Variants in SELENOO observed in about 807,000 individuals in gnomAD.
The protein encoded by SELENOO is selenoprotein O.
In SELENOO, 74 loss-of-function variants were observed where a neutral mutation model predicts 58.7. The ratio of observed to expected loss-of-function variants is 1.26; its 90% CI spans 1.04 to 1.53. The LOEUF is 1.53. Ranked by LOEUF, SELENOO falls within the 40% of genes most tolerant of loss-of-function variation. SELENOO has a pLI of 0.00. For missense variants in SELENOO, 1,149 were observed against 970.0 expected, an observed-to-expected ratio of 1.18 and a Z score of -2.45; for synonymous variants, 543 against 453.2, an observed-to-expected ratio of 1.20 and a Z score of -2.52.
At chr22:50,201,819 G>T (rs1051549195) in intron 1 of SELENOO, among the ~76,000 whole-genome samples, 4 of 152,236 alleles carry the variant, frequency 2.6e-5, no homozygotes, top group African/African-American at 9.6e-5. Context: ...GACGTTCGCT[G>T]GGGCTCCAAA....
chr22:50,206,089 C>T, intron 1 of SELENOO: 1 of 591,698 alleles, frequency 1.7e-6, no homozygotes, highest in Non-Finnish European at 3.0e-6. Flanking sequence ...TGTTCAGGCC[C>T]ATTTTTACCA....
rs200443985 is a variant in SELENOO at position 50,215,766 on chromosome 22, G to A, written c.1401G>A (p.Glu467=). 2.5e-6 allele frequency: 4 copies of A among 1,611,978 alleles called. No homozygotes were observed. Among genetic ancestry groups the A allele is most frequent in the Admixed American group, 1.7e-5 (1 of 59,996 alleles). The change falls in exon 6 of 9, where the codon GAG becomes GAA. Residue 467 remains glutamate (E), a synonymous_variant. Transcript: ENST00000380903. ...ACTTGCTGAGCTCCTTCCCAGTGGA[G>A]CTAGAGTCGCCAGGCCTGGCGGAAT... ...TFYLLSSFPV[E]LESPGLAEFL...
Position 50,217,517 on chromosome 22 carries a change from G to C in SELENOO, c.*148G>C. The C allele has an allele frequency of 9.0e-7, 1 of 1,116,238 alleles. No homozygotes were observed. The highest frequency in any genetic ancestry group is 1.3e-6 in the Non-Finnish European group (1 of 787,306). The allele number at this position is 1,116,238 out of a possible 1,614,324, so 69.1% of individuals were successfully genotyped here. A position where few individuals can be genotyped will look rare whatever the true frequency, so the allele number is the denominator to read the frequency against. On this transcript the variant is annotated 3_prime_UTR_variant, in exon 9 of 9. Coordinates refer to ENST00000380903, the MANE Select transcript of SELENOO (RefSeq NM_031454.2). Reference sequence around the variant, plus strand: ...CTTTCCATGATGGCAGAGACATCCAGTCAGGACCTGACCCGTCTCTGTCTG... The same window carrying C: ...CTTTCCATGATGGCAGAGACATCCACTCAGGACCTGACCCGTCTCTGTCTG...
rs550774182 is a variant in SELENOO, at chr22:50,215,981, T to C, written c.1502+114T>C. 7 of 906,740 alleles carry C rather than the reference T, an allele frequency of 7.7e-6. No homozygotes were observed. The African/African-American group carries it at 1.0e-4, about 13-fold the overall frequency. 56.2% of individuals were successfully genotyped at this position (906,740 alleles called of 1,614,324 possible). A position where few individuals can be genotyped will look rare whatever the true frequency, so the allele number is the denominator to read the frequency against. ...AGCTGGCTGGGGCCCAGGTGGCTGC[T>C]CCGCTCCCAGGGACAGATTCAGTCA... is the stretch of plus-strand genomic sequence containing the variant. On this transcript the variant is annotated intron_variant, in intron 6 of 8. Transcript: ENST00000380903.
At position 50,216,686 on chromosome 22, in the gene SELENOO, C is replaced by A; in HGVS notation, c.1503-5C>A. The A allele has an allele frequency of 1.3e-6, 2 of 1,581,488 alleles. No individual in the cohort carries two copies. Among genetic ancestry groups the A allele is most frequent in the Non-Finnish European group, 1.7e-6 (2 of 1,168,258 alleles). On this transcript the variant is annotated splice_polypyrimidine_tract_variant and splice_region_variant and intron_variant, in intron 6 of 8. Transcript: ENST00000380903. ...TACCTCCCAGACACCCTGGCCTCTC[C>A]ACAGGCAGCTATCCATGATGCTGAT...
Position 50,201,401 on chromosome 22 carries a change from T to A in SELENOO, c.365T>A (p.Leu122Gln). Residue 122 changes from leucine to glutamine, a missense_variant, in exon 1 of 9, where the codon CTG (leucine) becomes CAG (glutamine). By Grantham distance (113) the Leu-to-Gln change is moderately radical. Transcript: ENST00000380903. ...PAREAEAEAA[L>Q]FFSGNALLPG... is the part of the protein sequence containing the mutation. ...CGCGAGGCCGAGGCCGAGGCCGCGC[T>A]GTTCTTCAGCGGCAACGCGCTCCTG... is the stretch of plus-strand genomic sequence containing the variant. 2 of 1,321,014 alleles carry A rather than the reference T, an allele frequency of 1.5e-6. No homozygotes were observed. Among genetic ancestry groups the A allele is most frequent in the Non-Finnish European group, 1.9e-6 (2 of 1,031,110 alleles). The allele number at this position is 1,321,014 out of a possible 1,614,324, so 81.8% of individuals were successfully genotyped here.
At position 50,215,758 on chromosome 22, in the gene SELENOO, C is replaced by T. The variant is rs755699325; in HGVS notation, c.1393C>T (p.Pro465Ser). Residue 465 changes from proline (P) to serine (S), a missense_variant, in exon 6 of 9, where the codon CCA becomes TCA. Pro to Ser is a moderately conservative substitution (Grantham distance 74, BLOSUM62 -1). Transcript: ENST00000380903. Reference protein sequence around the residue: ...TNTFYLLSSFPVELESPGLAE... With the variant: ...TNTFYLLSSFSVELESPGLAE... ...CACCTTCTACTTGCTGAGCTCCTTCCCAGTGGAGCTAGAGTCGCCAGGCCT... is the reference window on the plus strand; with the variant it reads ...CACCTTCTACTTGCTGAGCTCCTTCTCAGTGGAGCTAGAGTCGCCAGGCCT... 1.9e-6 allele frequency: 3 copies of T among 1,610,892 alleles called. No individual in the cohort carries two copies. In the African/African-American group the frequency reaches 4.0e-5, roughly 22 times the overall value.
rs764109302 is a variant in SELENOO at position 50,217,321 on chromosome 22, T to A, written c.1962T>A (p.Ser654Arg). The change falls in exon 9 of 9, where the codon AGT becomes AGA. Residue 654 changes from serine to arginine, a missense_variant. Transcript: ENST00000380903. ...GADGRQRSYSSKPPLWAAELC... is the reference protein window; with the variant it reads ...GADGRQRSYSRKPPLWAAELC... ...ACGGCAGGCAGCGCTCCTACAGCAG[T>A]AAGCCCCCGCTCTGGGCAGCAGAAC... is the stretch of plus-strand genomic sequence containing the variant. 6.2e-7 allele frequency: 1 copy of A among 1,612,864 alleles called. No individual in the cohort carries two copies. Among genetic ancestry groups the A allele is most frequent in the East Asian group, 2.2e-5 (1 of 44,868 alleles).
At chr22:50,211,022 C>A in intron 5 of SELENOO, 111 bp downstream of exon 5, 1 of 1,172,888 alleles carries the variant, frequency 8.5e-7, no homozygotes, top group South Asian at 1.4e-5. Context: ...CCTGGGCCCA[C>A]CCCAGCCCTG....
At chr22:50,204,714 T>A (rs1392333621) in intron 1 of SELENOO, among the ~76,000 whole-genome samples, 1 of 151,898 alleles carries the variant, frequency 6.6e-6, no homozygotes, top group Non-Finnish European at 1.5e-5. Flanking sequence ...AATGATAGAG[T>A]TGCTGTGGAA....
chr22:50,201,171 G>A lies in SELENOO; in HGVS notation c.135G>A (p.Leu45=). ...CCATGGAGCCCGCGCCTCGCTGGCTGGCGGGGCTGCGCTTCGACAACCGCG... is the reference window on the plus strand; with the variant it reads ...CCATGGAGCCCGCGCCTCGCTGGCTAGCGGGGCTGCGCTTCGACAACCGCG... ...GAAMEPAPRW[L]AGLRFDNRAL... The change falls in exon 1 of 9, where the codon CTG becomes CTA. Residue 45 remains leucine, a synonymous_variant. Coordinates refer to ENST00000380903, the MANE Select transcript of SELENOO (RefSeq NM_031454.2). 8.0e-7 allele frequency: 1 copy of A among 1,244,122 alleles called. No homozygotes were observed. Among genetic ancestry groups the A allele is most frequent in the South Asian group, 2.9e-5 (1 of 34,142 alleles). 77.1% of individuals were successfully genotyped at this position (1,244,122 alleles called of 1,614,324 possible).
chr22:50,211,481 G>C (rs1033709600), intron 5 of SELENOO, among the ~76,000 whole-genome samples: 1 of 152,146 alleles, frequency 6.6e-6, no homozygotes, highest in Non-Finnish European at 1.5e-5. Context: ...TGACCTTCGG[G>C]GAAAAGTGTT....
intron 6 of SELENOO, 65 bp from the exon 7 acceptor site, chr22:50,216,626 G>A: frequency 2.1e-6 from 3 of 1,428,240 alleles, no homozygotes; most frequent in Non-Finnish European, 2.8e-6. Context: ...GGCAGGCGGA[G>A]CAGCTGCCTG....
At chr22:50,212,030 T>C (rs1358225110) in intron 5 of SELENOO, among the ~76,000 whole-genome samples, 2 of 152,230 alleles carry the variant, frequency 1.3e-5, no homozygotes, top group Non-Finnish European at 2.9e-5. Flanking sequence ...TTTAATATGC[T>C]GAATGTTGCG....
intron 2 of SELENOO, 51 bp downstream of exon 2, chr22:50,206,571 A>G (rs1258220307): frequency 6.6e-7 from 1 of 1,506,790 alleles, no homozygotes; most frequent in African/African-American, 1.4e-5. Context: ...TTAGAGTCCT[A>G]GGAGATTTGG....
Position 50,217,457 on chromosome 22 carries a change from A to C in SELENOO, c.*88A>C. ...AAGATGATGCCAGGCTGCCCTATAC[A>C]CTGGGGGATTCTGCCCTGGCCCATG... On this transcript the variant is annotated 3_prime_UTR_variant, in exon 9 of 9. Coordinates refer to ENST00000380903, the MANE Select transcript of SELENOO (RefSeq NM_031454.2). 6.8e-7 allele frequency: 1 copy of C among 1,473,484 alleles called. No homozygotes were observed. Among genetic ancestry groups the C allele is most frequent in the Non-Finnish European group, 9.2e-7 (1 of 1,085,898 alleles). 91.3% of individuals were successfully genotyped at this position (1,473,484 alleles called of 1,614,324 possible). A position where few individuals can be genotyped will look rare whatever the true frequency, so the allele number is the denominator to read the frequency against.
At chr22:50,208,815 ACC>A in intron 3 of SELENOO, 99 bp downstream of exon 3, 1 of 1,204,494 alleles carries the variant, frequency 8.3e-7, no homozygotes, top group Non-Finnish European at 1.2e-6. Flanking sequence ...AAAGGCTTTT[ACC>A]CAGCCTCCCC....
At chr22:50,216,110 G>A (rs537493906) in intron 6 of SELENOO, among the ~76,000 whole-genome samples, 63 of 152,298 alleles carry the variant, frequency 4.1e-4, no homozygotes, top group African/African-American at 1.4e-3. Context: ...TGCTGTGGGT[G>A]GGCTTCAGAG....
intron 2 of SELENOO, 62 bp downstream of exon 2, chr22:50,206,582 G>A (rs930217714): frequency 7.0e-7 from 1 of 1,434,256 alleles, no homozygotes; most frequent in Non-Finnish European, 9.5e-7. Context: ...GGAGATTTGG[G>A]CCTGTGCTGC....
Sources: gnomAD v4.1 joint callset for allele counts (sites outside exome capture counted in the v4.1 genomes callset) on GRCh38, gnomAD v4.1.1 for gene constraint, MANE v1.5 for transcripts, NCBI Gene and HGNC (gene_info 2026-07-23, HGNC 2026-07-21) for gene names.